Variants in CSMD1 observed in about 807,000 individuals in gnomAD.
CSMD1 encodes CUB and Sushi multiple domains 1.
A neutral mutation model predicts 417.5 loss-of-function variants in CSMD1; 213 were observed. That is an observed-to-expected ratio of 0.51 (90% CI 0.46 to 0.57). The LOEUF (loss-of-function observed/expected upper bound fraction) is 0.57, where lower values mean the gene tolerates loss of function less well. CSMD1 is among the 20% of genes least tolerant of loss of function. The pLI is 0.00. For synonymous variants in CSMD1, 2,862 were observed against 1,736.8 expected (o/e 1.65, Z -16.11); for missense variants, 6,923 against 4,529.7 (o/e 1.53, Z -15.17).
chr8:4,960,671 A>T lies in CSMD1; in HGVS notation c.85+33661T>A, dbSNP rs1260610760. ...TACATATGTACATCCATTCATACGT[A>T]CATACATACATGCATAAATTATTTC... On this transcript the variant is annotated intron_variant, in intron 1 of 69. Coordinates refer to ENST00000635120, the MANE Select transcript of CSMD1 (RefSeq NM_033225.6). Among the ~76,000 whole-genome samples the T allele has an allele frequency of 2.6e-5, 4 of 152,200 alleles. No homozygotes were observed. In the East Asian group the frequency reaches 5.8e-4, roughly 22 times the overall value.
At chr8:3,121,813 GACAA>G (rs1419287561) in intron 41 of CSMD1, among the ~76,000 whole-genome samples, 3 of 152,010 alleles carry the variant, frequency 2.0e-5, no homozygotes, top group East Asian at 3.9e-4. Flanking sequence ...AAAGCAAGCA[GACAA>G]ACAAACAAAA....
intron 1 of CSMD1, among the ~76,000 whole-genome samples, chr8:4,789,099 A>G (rs1489298036): frequency 6.6e-6 from 1 of 152,242 alleles, no homozygotes; most frequent in Non-Finnish European, 1.5e-5. Context: ...AAAGGTAATC[A>G]TGAGAAAGCT....
At chr8:4,993,183 A>G (rs1384444616) in intron 1 of CSMD1, among the ~76,000 whole-genome samples, 1 of 152,228 alleles carries the variant, frequency 6.6e-6, no homozygotes, top group African/African-American at 2.4e-5. Flanking sequence ...TTATGTAGGG[A>G]AAAAAGCAAG....
At chr8:4,732,044 A>C (rs577611915) in intron 1 of CSMD1, among the ~76,000 whole-genome samples, 16 of 152,258 alleles carry the variant, frequency 1.1e-4, no homozygotes, top group African/African-American at 3.1e-4. Flanking sequence ...TGCCTCCCCC[A>C]TGCCCGTAGC....
At chr8:3,028,858 T>C (rs941000242) in intron 51 of CSMD1, among the ~76,000 whole-genome samples, 33 of 152,338 alleles carry the variant, frequency 2.2e-4, no homozygotes, top group African/African-American at 6.7e-4. Context: ...CCATATTTAA[T>C]GTGAAACTCA....
At chr8:3,527,942 G>C (rs999553328) in intron 10 of CSMD1, among the ~76,000 whole-genome samples, 1 of 152,182 alleles carries the variant, frequency 6.6e-6, no homozygotes, top group South Asian at 2.1e-4. Flanking sequence ...GTGCAGGTCA[G>C]TTTATCTGGC....
intron 3 of CSMD1, among the ~76,000 whole-genome samples, chr8:4,340,512 T>G (rs975396321): frequency 1.3e-5 from 2 of 152,090 alleles, no homozygotes; most frequent in Non-Finnish European, 2.9e-5. Context: ...ATGTCATGGT[T>G]AGACTTTATT....
intron 8 of CSMD1, among the ~76,000 whole-genome samples, chr8:3,607,438 G>A (rs1016396619): frequency 1.3e-5 from 2 of 152,232 alleles, no homozygotes; most frequent in Admixed American, 1.3e-4. Context: ...CATTGTAAAT[G>A]CATGAACTAC....
intron 5 of CSMD1, among the ~76,000 whole-genome samples, chr8:3,822,691 C>T (rs568346994): frequency 2.0e-5 from 3 of 152,290 alleles, no homozygotes; most frequent in East Asian, 3.9e-4. Flanking sequence ...ACGGCAATGA[C>T]TTCCTCCTGG....
rs114854481 is a variant in CSMD1 at position 3,570,532 on chromosome 8, C to G, written c.1344+4413G>C. 3.5e-3 allele frequency among the ~76,000 whole-genome samples: 518 copies of G among 147,616 alleles called. 2 individuals are homozygous for G. The highest frequency in any genetic ancestry group is 0.013 in the African/African-American group (497 of 39,688). ...CAGGTGGTTGCAGACGTCTTGAGAA[C>G]TGAGGGGAAATATTGTCTCCGCTCT... On this transcript the variant is annotated intron_variant, in intron 10 of 69. Coordinates refer to ENST00000635120, the MANE Select transcript of CSMD1 (RefSeq NM_033225.6).
intron 24 of CSMD1, among the ~76,000 whole-genome samples, chr8:3,308,100 CT>C (rs1158048320): frequency 6.6e-6 from 1 of 151,690 alleles, no homozygotes; most frequent in African/African-American, 2.4e-5. Flanking sequence ...AACACTGTAC[CT>C]ATAGTCTCCA....
At chr8:3,555,861 G>C (rs1007382303) in intron 10 of CSMD1, among the ~76,000 whole-genome samples, 2 of 152,042 alleles carry the variant, frequency 1.3e-5, no homozygotes, top group African/African-American at 2.4e-5. Context: ...ATACATAGTG[G>C]AGCATTTTAA....
At chr8:4,001,355 C>T (rs1815658543) in intron 4 of CSMD1, among the ~76,000 whole-genome samples, 1 of 152,288 alleles carries the variant, frequency 6.6e-6, no homozygotes, top group African/African-American at 2.4e-5. Flanking sequence ...ACCCTGCAGC[C>T]ATTAGCCCCC....
intron 12 of CSMD1, among the ~76,000 whole-genome samples, chr8:3,410,181 A>C (rs1290815320): frequency 6.6e-6 from 1 of 152,216 alleles, no homozygotes; most frequent in Non-Finnish European, 1.5e-5. Flanking sequence ...CAAATACACC[A>C]AACCTATATT....
At chr8:4,630,054 G>A (rs1018193247) in intron 2 of CSMD1, among the ~76,000 whole-genome samples, 1 of 152,126 alleles carries the variant, frequency 6.6e-6, no homozygotes, top group African/African-American at 2.4e-5. Flanking sequence ...AAAAAGCCAA[G>A]ATATGGAAGT....
At chr8:3,245,070 C>T (rs918692380) in intron 26 of CSMD1, among the ~76,000 whole-genome samples, 28 of 152,170 alleles carry the variant, frequency 1.8e-4, no homozygotes, top group African/African-American at 6.5e-4. Context: ...GGAAAGGGGA[C>T]GTGTTAGCAT....
At chr8:4,989,529 G>A (rs894369568) in intron 1 of CSMD1, among the ~76,000 whole-genome samples, 1 of 152,112 alleles carries the variant, frequency 6.6e-6, no homozygotes, top group African/African-American at 2.4e-5. Flanking sequence ...TAAAAAAGAA[G>A]ACATACTTGA....
intron 49 of CSMD1, among the ~76,000 whole-genome samples, chr8:3,080,208 C>G (rs76503496): frequency 0.021 from 3,163 of 152,292 alleles, 89 homozygotes; most frequent in African/African-American, 0.067. Flanking sequence ...AAGCAGTGCA[C>G]TCTGATGTGC....
In CSMD1 at chr8:2,937,266, CAAAT is replaced by C. The variant is rs772646717; in HGVS notation, c.*1315_*1318del. Reference sequence around the variant, plus strand: ...GAATCATAAAGCATGAAACAAATAACAAATGAATGTATAAAATATATCATTGTGA... The same window carrying C: ...GAATCATAAAGCATGAAACAAATAACGAATGTATAAAATATATCATTGTGA... On this transcript the variant is annotated 3_prime_UTR_variant, in exon 70 of 70. Coordinates refer to ENST00000635120, the MANE Select transcript of CSMD1 (RefSeq NM_033225.6). 4 of 152,046 alleles carry C rather than the reference CAAAT, an allele frequency of 2.6e-5. No homozygotes were observed. Among genetic ancestry groups the C allele is most frequent in the African/African-American group, 7.2e-5 (3 of 41,476 alleles). 9.4% of individuals were successfully genotyped at this position (152,046 alleles called of 1,614,324 possible).
Sources: allele counts gnomAD v4.1 joint callset (sites outside exome capture counted in the v4.1 genomes callset), GRCh38; gene constraint gnomAD v4.1.1; transcripts MANE v1.5; gene names NCBI Gene and HGNC (gene_info 2026-07-23, HGNC 2026-07-21).